Variants in LPP observed in about 807,000 individuals in gnomAD.
LPP encodes LIM domain containing preferred translocation partner in lipoma.
In LPP, 38 loss-of-function variants were observed where a neutral mutation model predicts 60.4. The ratio of observed to expected loss-of-function variants is 0.63; its 90% confidence interval spans 0.49 to 0.83. The LOEUF (loss-of-function observed/expected upper bound fraction) is 0.83, where lower values mean the gene tolerates loss of function less well. Among genes scored for constraint, LPP ranks in the 40% least tolerant of loss-of-function variants. LPP has a pLI of 0.00. For missense variants in LPP, 902 were observed against 783.6 expected, an observed-to-expected ratio of 1.15 and a Z score of -1.80; for synonymous variants, 328 against 290.8, an observed-to-expected ratio of 1.13 and a Z score of -1.30.
At chr3:188,510,838 G>A (rs760853461) in intron 5 of LPP, among the ~76,000 whole-genome samples, 21 of 152,170 alleles carry the variant, frequency 1.4e-4, no homozygotes, top group African/African-American at 3.4e-4. Context: ...CAATTCTGTC[G>A]CCATATAGCT....
rs139516186 is a variant in LPP, at chr3:188,401,931, A to G, written c.-9-4181A>G. ...CTTATGATCTAAATTGATGCATAGTATGTTGGAAGTCATTTTTAGACAAGA... is the reference window on the plus strand; with the variant it reads ...CTTATGATCTAAATTGATGCATAGTGTGTTGGAAGTCATTTTTAGACAAGA... On this transcript the variant is annotated intron_variant, in intron 3 of 11. Transcript: ENST00000617246. Among the ~76,000 whole-genome samples, 539 of 152,338 alleles carry G rather than the reference A, an allele frequency of 3.5e-3. 4 individuals are homozygous for G. Among genetic ancestry groups the G allele is most frequent in the African/African-American group, 0.013 (529 of 41,580 alleles).
rs890454147 is a variant in LPP at position 188,708,820 on chromosome 3, C to G, written c.1240+427C>G. 1.9e-5 allele frequency: 4 copies of G among 214,468 alleles called. No homozygotes were observed. The East Asian group carries it at 2.9e-4, about 16-fold the overall frequency. The allele number at this position is 214,468 out of a possible 1,614,324, so 13.3% of individuals were successfully genotyped here. ...CTGCAGTGAGCTGTGGCTCAGTGAG[C>G]TGTGGTTGTGCCACTGCACTCCAGC... On this transcript the variant is annotated intron_variant, in intron 8 of 11. Transcript: ENST00000617246.
At chr3:188,381,603 G>C (rs1347597996) in intron 3 of LPP, among the ~76,000 whole-genome samples, 4 of 152,138 alleles carry the variant, frequency 2.6e-5, no homozygotes, top group Non-Finnish European at 5.9e-5. Context: ...TTTCCGATTC[G>C]GGGGACTGGA....
intron 6 of LPP, among the ~76,000 whole-genome samples, chr3:188,563,460 A>ATATATGTGTGTGTGTGTGTG (rs373067080): frequency 7.0e-6 from 1 of 141,938 alleles, no homozygotes; most frequent in African/African-American, 2.7e-5. Flanking sequence ...TTACATATAT[A>ATATATGTGTGTGTGTGTGTG]TGTGTGTGTG....
chr3:188,533,293 G>A (rs867346433), intron 6 of LPP, among the ~76,000 whole-genome samples: 1 of 152,172 alleles, frequency 6.6e-6, no homozygotes, highest in Admixed American at 6.5e-5. Flanking sequence ...ATTATTCAAT[G>A]CAAGTCAAAC....
At chr3:188,856,522 T>C (rs1165555867) in intron 9 of LPP, among the ~76,000 whole-genome samples, 2 of 152,260 alleles carry the variant, frequency 1.3e-5, no homozygotes, top group Non-Finnish European at 2.9e-5. Flanking sequence ...AAGAGCTTTA[T>C]AACAATATCT....
intron 9 of LPP, among the ~76,000 whole-genome samples, chr3:188,772,449 C>T (rs1192394741): frequency 6.6e-6 from 1 of 152,204 alleles, no homozygotes; most frequent in African/African-American, 2.4e-5. Context: ...ACAGGAACCC[C>T]TTGAAGACTG....
intron 8 of LPP, among the ~76,000 whole-genome samples, chr3:188,754,960 G>C (rs1224350436): frequency 6.6e-6 from 1 of 152,140 alleles, no homozygotes. Context: ...AATAACTTCA[G>C]TAGCCATATG....
intron 8 of LPP, 96 bp from the exon 9 acceptor site, chr3:188,760,017 G>C (rs975458567): frequency 2.0e-6 from 2 of 1,023,830 alleles, no homozygotes; most frequent in Non-Finnish European, 3.0e-6. Context: ...TGGTTCTATT[G>C]CTGCTGACGT....
chr3:188,468,123 C>T lies in LPP; in HGVS notation c.194-16469C>T, dbSNP rs556933645. Reference sequence around the variant, plus strand: ...AGAATACGAAATGTCCTGTCAAACACCAGAGGTGGTATTTACTCAGTGTGT... The same window carrying T: ...AGAATACGAAATGTCCTGTCAAACATCAGAGGTGGTATTTACTCAGTGTGT... On this transcript the variant is annotated intron_variant, in intron 4 of 11. Coordinates refer to ENST00000617246, the MANE Select transcript of LPP (RefSeq NM_001375462.1). 1.1e-4 allele frequency among the ~76,000 whole-genome samples: 17 copies of T among 152,226 alleles called. 1 individual carries two copies. Among genetic ancestry groups the T allele is most frequent in the African/African-American group, 3.6e-4 (15 of 41,540 alleles).
At chr3:188,295,969 G>A (rs187357150) in intron 2 of LPP, among the ~76,000 whole-genome samples, 26 of 152,206 alleles carry the variant, frequency 1.7e-4, no homozygotes, top group African/African-American at 6.3e-4. Context: ...CTGCCAGTCT[G>A]CCTCAAGTCT....
At chr3:188,339,930 A>C (rs780909524) in intron 2 of LPP, among the ~76,000 whole-genome samples, 2 of 152,224 alleles carry the variant, frequency 1.3e-5, no homozygotes, top group Non-Finnish European at 2.9e-5. Flanking sequence ...TTAGCTTAGT[A>C]ATGTGTCACC....
At chr3:188,757,771 C>T (rs1171990990) in intron 8 of LPP, among the ~76,000 whole-genome samples, 1 of 152,050 alleles carries the variant, frequency 6.6e-6, no homozygotes, top group East Asian at 1.9e-4. Flanking sequence ...AATCCATTTA[C>T]TCCTAATCCC....
At chr3:188,607,378 T>TAG (rs1560628253) in intron 6 of LPP, among the ~76,000 whole-genome samples, 51 of 15,138 alleles carry the variant, frequency 3.4e-3, no homozygotes, top group African/African-American at 0.014. Context: ...AAGATATATA[T>TAG]ATATATATAT....
intron 5 of LPP, among the ~76,000 whole-genome samples, chr3:188,516,342 C>T (rs1817357709): frequency 6.6e-6 from 1 of 152,138 alleles, no homozygotes; most frequent in Admixed American, 6.5e-5. Flanking sequence ...ATTCTCACTA[C>T]TGAATACGGC....
chr3:188,403,724 T>G (rs1209666775), intron 3 of LPP, among the ~76,000 whole-genome samples: 2 of 152,196 alleles, frequency 1.3e-5, no homozygotes, highest in African/African-American at 4.8e-5. Context: ...ACAGCTAAAT[T>G]TAAAAACCAC....
intron 9 of LPP, among the ~76,000 whole-genome samples, chr3:188,805,136 G>T (rs1748683184): frequency 1.3e-5 from 2 of 152,102 alleles, no homozygotes; most frequent in South Asian, 4.1e-4. Context: ...GTGTCATGAG[G>T]TATACTAAAC....
At chr3:188,188,496 C>T (rs1019865073) in intron 1 of LPP, among the ~76,000 whole-genome samples, 10 of 151,902 alleles carry the variant, frequency 6.6e-5, no homozygotes, top group African/African-American at 9.7e-5. Flanking sequence ...AATTATTTGG[C>T]GAAGTGTTAT....
At chr3:188,199,999 G>A (rs542022159) in intron 1 of LPP, among the ~76,000 whole-genome samples, 264 of 152,238 alleles carry the variant, frequency 1.7e-3, no homozygotes, top group Non-Finnish European at 3.1e-3. Context: ...ACCGCGCCTG[G>A]CCCTATTTGG....
Sources: allele counts gnomAD v4.1 joint callset (sites outside exome capture counted in the v4.1 genomes callset), GRCh38; gene constraint gnomAD v4.1.1; transcripts MANE v1.5; gene names NCBI Gene and HGNC (gene_info 2026-07-23, HGNC 2026-07-21).